Variants in ANKS1B observed in about 807,000 individuals in gnomAD.
The protein encoded by ANKS1B is ankyrin repeat and sterile alpha motif domain-containing protein 1B.
A neutral mutation model predicts 148.3 loss-of-function variants in ANKS1B; 36 were observed. The ratio of observed to expected loss-of-function variants is 0.24; its 90% confidence interval spans 0.19 to 0.32. The LOEUF is 0.32. ANKS1B is among the 10% of genes least tolerant of loss of function. ANKS1B has a pLI of 1.00. For missense variants in ANKS1B, 1,157 were observed against 1,542.6 expected (o/e 0.75, Z 4.19); for synonymous variants, 542 against 560.8 (o/e 0.97, Z 0.47).
intron 1 of ANKS1B, among the ~76,000 whole-genome samples, chr12:99,891,500 G>T (rs1325006977): frequency 6.6e-6 from 1 of 152,140 alleles, no homozygotes; most frequent in Non-Finnish European, 1.5e-5. Flanking sequence ...GATAACAGGT[G>T]TGAGCCACCA....
At chr12:99,394,767 T>G (rs1380622047) in intron 12 of ANKS1B, among the ~76,000 whole-genome samples, 1 of 152,148 alleles carries the variant, frequency 6.6e-6, no homozygotes, top group Non-Finnish European at 1.5e-5. Context: ...GTTATTGGTC[T>G]TCTTCCTCTA....
chr12:99,524,292 G>C (rs564984273), intron 9 of ANKS1B, among the ~76,000 whole-genome samples: 1 of 152,180 alleles, frequency 6.6e-6, no homozygotes, highest in Admixed American at 6.5e-5. Flanking sequence ...AGGCAGCCAT[G>C]GGGGAAGGAG....
Position 99,685,481 on chromosome 12 carries a change from G to A in ANKS1B, c.1129-30271C>T, listed in dbSNP as rs117024299. Among the ~76,000 whole-genome samples the A allele has an allele frequency of 2.4e-3, 366 of 152,234 alleles. 22 individuals are homozygous for A. The East Asian group carries it at 0.064, about 27-fold the overall frequency. ...CAAAGGGAACACTTTTACACTGCTG[G>A]TGGAAACTGCTAGTACAGCTACTAT... On this transcript the variant is annotated intron_variant, in intron 8 of 26. Coordinates refer to ENST00000683438, the MANE Select transcript of ANKS1B (RefSeq NM_001352186.2).
At chr12:99,186,446 G>A (rs2079869082) in intron 14 of ANKS1B, among the ~76,000 whole-genome samples, 1 of 152,186 alleles carries the variant, frequency 6.6e-6, no homozygotes, top group Non-Finnish European at 1.5e-5. Context: ...CTGACTGAGA[G>A]ATACCTCCCA....
At chr12:99,792,969 A>G (rs2065845562) in intron 4 of ANKS1B, among the ~76,000 whole-genome samples, 1 of 151,982 alleles carries the variant, frequency 6.6e-6, no homozygotes, top group African/African-American at 2.4e-5. Context: ...CTGAAAAACT[A>G]TTAGAACTGA....
intron 9 of ANKS1B, among the ~76,000 whole-genome samples, chr12:99,514,216 T>C (rs1434234247): frequency 2.6e-5 from 4 of 152,056 alleles, no homozygotes; most frequent in Non-Finnish European, 5.9e-5. Flanking sequence ...TCTATGAATA[T>C]ATGATGAAAA....
intron 9 of ANKS1B, among the ~76,000 whole-genome samples, chr12:99,600,409 T>C (rs1424577701): frequency 6.6e-6 from 1 of 151,962 alleles, no homozygotes; most frequent in African/African-American, 2.4e-5. Context: ...TGCAGGACTT[T>C]TATGCCGCTG....
intron 1 of ANKS1B, among the ~76,000 whole-genome samples, chr12:99,839,847 C>T (rs1267302078): frequency 6.6e-6 from 1 of 151,852 alleles, no homozygotes; most frequent in Admixed American, 6.6e-5. Flanking sequence ...TATTTTAATT[C>T]CTAAGTAATT....
intron 10 of ANKS1B, among the ~76,000 whole-genome samples, chr12:99,465,417 G>T (rs2096083674): frequency 6.6e-6 from 1 of 152,184 alleles, no homozygotes; most frequent in Non-Finnish European, 1.5e-5. Context: ...ACATCATAAT[G>T]ACAGGATCAA....
intron 9 of ANKS1B, among the ~76,000 whole-genome samples, chr12:99,509,567 A>G (rs1397255754): frequency 6.6e-6 from 1 of 151,992 alleles, no homozygotes; most frequent in Non-Finnish European, 1.5e-5. Context: ...TAATTCAATG[A>G]AGGCTGCCAG....
chr12:99,802,704 G>A (rs2067097450), intron 4 of ANKS1B, among the ~76,000 whole-genome samples: 2 of 152,020 alleles, frequency 1.3e-5, no homozygotes, highest in Admixed American at 1.3e-4. Context: ...CTTGAGCCCA[G>A]GAGTTCGAGA....
chr12:99,334,248 T>C (rs552359795), intron 12 of ANKS1B, among the ~76,000 whole-genome samples: 236 of 151,992 alleles, frequency 1.6e-3, no homozygotes, highest in Non-Finnish European at 2.2e-3. Context: ...TATATCTGTT[T>C]CCTGTACATC....
At chr12:99,694,284 C>CA (rs1445613950) in intron 8 of ANKS1B, among the ~76,000 whole-genome samples, 2 of 150,930 alleles carry the variant, frequency 1.3e-5, no homozygotes, top group Non-Finnish European at 3.0e-5. Context: ...ATTAAAAATA[C>CA]AAAAATTAGC....
intron 9 of ANKS1B, among the ~76,000 whole-genome samples, chr12:99,654,163 A>G (rs540488612): frequency 2.6e-5 from 4 of 152,312 alleles, no homozygotes; most frequent in Admixed American, 2.0e-4. Flanking sequence ...TTAGCTTTCT[A>G]CAACAAATTA....
At chr12:99,702,214 C>T (rs528157711) in intron 8 of ANKS1B, among the ~76,000 whole-genome samples, 3 of 152,138 alleles carry the variant, frequency 2.0e-5, no homozygotes, top group African/African-American at 4.8e-5. Context: ...TATTGCTTGT[C>T]TTTTTAATAA....
chr12:99,423,377 CT>C (rs1594519668), intron 11 of ANKS1B, among the ~76,000 whole-genome samples: 1 of 152,144 alleles, frequency 6.6e-6, no homozygotes, highest in Non-Finnish European at 1.5e-5. Context: ...CACTCATACA[CT>C]GTTGGTGGGA....
chr12:99,114,206 T>C (rs1467129644), intron 15 of ANKS1B, among the ~76,000 whole-genome samples: 1 of 152,222 alleles, frequency 6.6e-6, no homozygotes, highest in Non-Finnish European at 1.5e-5. Flanking sequence ...GAGAATTCTA[T>C]TGGAAAATAT....
chr12:98,848,740 G>T (rs2099500008), intron 17 of ANKS1B, among the ~76,000 whole-genome samples: 13 of 13,944 alleles, frequency 9.3e-4, no homozygotes, highest in East Asian at 0.019. Context: ...CTGTGTATGT[G>T]TGGTTTTTTT....
chr12:99,594,954 A>C (rs1365306448), intron 9 of ANKS1B, among the ~76,000 whole-genome samples: 1 of 152,030 alleles, frequency 6.6e-6, no homozygotes, highest in East Asian at 1.9e-4. Flanking sequence ...GTCAGGATTC[A>C]AATTCTAATC....
Sources: gnomAD v4.1 joint callset for allele counts (sites outside exome capture counted in the v4.1 genomes callset) on GRCh38, gnomAD v4.1.1 for gene constraint, MANE v1.5 for transcripts, NCBI Gene and HGNC (gene_info 2026-07-23, HGNC 2026-07-21) for gene names.